Variants in PTPN4 observed in about 807,000 individuals in gnomAD.
PTPN4 encodes the protein tyrosine-protein phosphatase non-receptor type 4.
Under a neutral mutation model 135.5 loss-of-function variants are expected in PTPN4, and 49 were observed. The ratio of observed to expected loss-of-function variants is 0.36; its 90% confidence interval spans 0.29 to 0.46. PTPN4 has a LOEUF of 0.46. Ranked by LOEUF, PTPN4 falls within the 20% of genes least tolerant of loss-of-function variation. The pLI, the probability that PTPN4 is intolerant of heterozygous loss-of-function variation, is 1.00. For synonymous variants in PTPN4, 333 were observed against 369.9 expected, an observed-to-expected ratio of 0.90 and a Z score of 1.14; for missense variants, 860 against 1,101.0, an observed-to-expected ratio of 0.78 and a Z score of 3.10.
chr2:119,796,125 C>T (rs1376481241), intron 1 of PTPN4, among the ~76,000 whole-genome samples: 2 of 86,312 alleles, frequency 2.3e-5, no homozygotes, highest in African/African-American at 9.1e-5. Context: ...CTCAGGGATG[C>T]AGGACACAAG....
rs776038861 is a variant in PTPN4, at chr2:119,934,849, G to T, written c.1246G>T (p.Val416Phe). The T allele has an allele frequency of 6.2e-7, 1 of 1,613,958 alleles. No homozygotes were observed. Among genetic ancestry groups the T allele is most frequent in the East Asian group, 2.2e-5 (1 of 44,866 alleles). ...AGGAACCCGGTTACGACCATCTTCA[G>T]TTGGTCATTTGGTAGACCATATGGT... is the stretch of plus-strand genomic sequence containing the variant. ...QEGTRLRPSSVGHLVDHMVHT... is the reference protein window; with the variant it reads ...QEGTRLRPSSFGHLVDHMVHT... Residue 416 changes from valine to phenylalanine, a missense_variant, in exon 15 of 27, where the codon GTT becomes TTT. Val to Phe is a conservative substitution (Grantham distance 50, BLOSUM62 -1). Transcript: ENST00000263708.
intron 2 of PTPN4, among the ~76,000 whole-genome samples, chr2:119,817,059 G>C (rs1676997549): frequency 6.6e-6 from 1 of 152,170 alleles, no homozygotes; most frequent in Admixed American, 6.5e-5. Context: ...ACAGACCTGA[G>C]TTAAGGGAAT....
At chr2:119,853,746 A>T (rs1266279912) in intron 2 of PTPN4, among the ~76,000 whole-genome samples, 2 of 152,002 alleles carry the variant, frequency 1.3e-5, no homozygotes, top group African/African-American at 4.8e-5. Context: ...ATTTACTTCC[A>T]TTTCTCCCAT....
chr2:119,924,505 A>G (rs1678790742), intron 12 of PTPN4, among the ~76,000 whole-genome samples: 1 of 151,916 alleles, frequency 6.6e-6, no homozygotes, highest in African/African-American at 2.4e-5. Flanking sequence ...ATATTTTTCT[A>G]TGTTGCTTGA....
intron 2 of PTPN4, among the ~76,000 whole-genome samples, chr2:119,817,794 T>C (rs928012593): frequency 6.6e-6 from 1 of 152,216 alleles, no homozygotes; most frequent in African/African-American, 2.4e-5. Flanking sequence ...TTCCTATCCA[T>C]GAGCATGGAA....
intron 24 of PTPN4, among the ~76,000 whole-genome samples, chr2:119,964,716 A>T (rs935188543): frequency 2.6e-5 from 4 of 152,216 alleles, no homozygotes; most frequent in African/African-American, 9.6e-5. Flanking sequence ...ACTTAAATGG[A>T]TACAACTATT....
At chr2:119,970,945 A>G (rs1679525151) in intron 26 of PTPN4, among the ~76,000 whole-genome samples, 1 of 152,152 alleles carries the variant, frequency 6.6e-6, no homozygotes, top group Non-Finnish European at 1.5e-5. Context: ...TCACATCATC[A>G]TCAACACGTG....
intron 1 of PTPN4, among the ~76,000 whole-genome samples, chr2:119,764,133 G>A (rs1482066530): frequency 6.6e-6 from 1 of 152,178 alleles, no homozygotes; most frequent in East Asian, 1.9e-4. Context: ...TTTCTGTTTA[G>A]TCAGTTTCTC....
At chr2:119,928,116 ATTGTT>A (rs1293904768) in intron 13 of PTPN4, among the ~76,000 whole-genome samples, 1 of 152,136 alleles carries the variant, frequency 6.6e-6, no homozygotes, top group South Asian at 2.1e-4. Context: ...TTGTTTCCAA[ATTGTT>A]TTAAACTATT....
chr2:119,933,319 T>C (rs754274037), intron 14 of PTPN4, among the ~76,000 whole-genome samples: 2 of 152,318 alleles, frequency 1.3e-5, no homozygotes, highest in Admixed American at 1.3e-4. Context: ...GTATGAAATA[T>C]AATATTTGAA....
At chr2:119,972,770 G>A (rs533376224) in intron 26 of PTPN4, among the ~76,000 whole-genome samples, 1 of 152,190 alleles carries the variant, frequency 6.6e-6, no homozygotes, top group African/African-American at 2.4e-5. Context: ...CTGAAAGTGT[G>A]TTCAGTTTTG....
At chr2:119,772,449 A>G (rs113032404) in intron 1 of PTPN4, among the ~76,000 whole-genome samples, 4 of 152,384 alleles carry the variant, frequency 2.6e-5, no homozygotes, top group African/African-American at 4.8e-5. Flanking sequence ...TAATTTGGCA[A>G]CCAAACTTGA....
intron 1 of PTPN4, among the ~76,000 whole-genome samples, chr2:119,788,478 C>T (rs1691083865): frequency 6.6e-6 from 1 of 151,956 alleles, no homozygotes; most frequent in Admixed American, 6.6e-5. Flanking sequence ...CCATCTTAAC[C>T]ATTTTTAAGT....
rs747214318 is a variant in PTPN4 at position 119,955,200 on chromosome 2, T to C, written c.1857T>C (p.Asp619=). The C allele has an allele frequency of 6.2e-7, 1 of 1,612,788 alleles. No homozygotes were observed. Among genetic ancestry groups the C allele is most frequent in the Non-Finnish European group, 8.5e-7 (1 of 1,179,578 alleles). The change falls in exon 20 of 27, where the codon GAT becomes GAC. Residue 619 remains aspartate (D), a synonymous_variant. Coordinates refer to ENST00000263708, the MANE Select transcript of PTPN4 (RefSeq NM_002830.4). ...AAGAAAAGCTAGAAAATGAGCCAGA[T>C]TTCCAGTATATTCCTGAGAAAGCCC... ...VVEEKLENEP[D]FQYIPEKAPL... is the part of the protein sequence containing the mutation.
intron 1 of PTPN4, among the ~76,000 whole-genome samples, chr2:119,782,437 AAATT>A (rs1690958289): frequency 6.6e-6 from 1 of 152,132 alleles, no homozygotes; most frequent in African/African-American, 2.4e-5. Flanking sequence ...AAAGAAAAAA[AAATT>A]CTTAAGTTAT....
chr2:119,946,933 C>T (rs1375059285), intron 18 of PTPN4, among the ~76,000 whole-genome samples: 1 of 152,012 alleles, frequency 6.6e-6, no homozygotes, highest in East Asian at 1.9e-4. Flanking sequence ...ATTATACTTG[C>T]CTATGCACTC....
At chr2:119,864,672 A>G (rs989443340) in intron 3 of PTPN4, among the ~76,000 whole-genome samples, 3 of 152,282 alleles carry the variant, frequency 2.0e-5, no homozygotes, top group Non-Finnish European at 2.9e-5. Context: ...ATACTACAAG[A>G]GATAAAAATT....
intron 22 of PTPN4, among the ~76,000 whole-genome samples, chr2:119,960,044 G>A (rs1407332114): frequency 2.0e-5 from 3 of 152,030 alleles, no homozygotes; most frequent in African/African-American, 7.2e-5. Flanking sequence ...CAGAAAAGTG[G>A]GAAGTTGCAT....
chr2:119,855,765 CATGGGG>C (rs1677667419), intron 2 of PTPN4, among the ~76,000 whole-genome samples: 1 of 152,118 alleles, frequency 6.6e-6, no homozygotes, highest in Admixed American at 6.5e-5. Context: ...TCTGGAATTC[CATGGGG>C]GAATGTTTGG....
Sources: allele counts gnomAD v4.1 joint callset (sites outside exome capture counted in the v4.1 genomes callset), GRCh38; gene constraint gnomAD v4.1.1; transcripts MANE v1.5; gene names NCBI Gene and HGNC (gene_info 2026-07-23, HGNC 2026-07-21).